MSANTD1: variants seen among roughly 807,000 people sequenced by gnomAD.
The protein encoded by MSANTD1 is myb/SANT-like DNA-binding domain-containing protein 1.
A neutral mutation model predicts 24.2 loss-of-function variants in MSANTD1; 7 were observed. The observed-to-expected ratio is 0.29, with a 90% CI of 0.16 to 0.54. MSANTD1 has a LOEUF of 0.54. MSANTD1 is among the 20% of genes least tolerant of loss of function. MSANTD1 has a pLI of 0.94. For synonymous variants in MSANTD1, 177 were observed against 181.1 expected (o/e 0.98, Z 0.18); for missense variants, 384 against 408.2 (o/e 0.94, Z 0.51).
chr4:3,253,004 G>T (rs535852952), intron 1 of MSANTD1, among the ~76,000 whole-genome samples: 1 of 152,196 alleles, frequency 6.6e-6, no homozygotes, highest in East Asian at 1.9e-4. Flanking sequence ...ATCTGAGCCC[G>T]TGTAGGTCCT....
chr4:3,249,007 T>G, upstream of MSANTD1: 5 of 413,704 alleles, frequency 1.2e-5, no homozygotes, highest in Non-Finnish European at 1.2e-5. Flanking sequence ...CTCGCCGCAA[T>G]ATTGATGGCC....
intron 2 of MSANTD1, among the ~76,000 whole-genome samples, chr4:3,255,110 A>G (rs1012763928): frequency 5.9e-5 from 9 of 152,218 alleles, no homozygotes; most frequent in Admixed American, 3.3e-4. Context: ...GCCCCTCTGC[A>G]GCCCAGAACA....
Position 3,249,558 on chromosome 4 carries a change from G to A in MSANTD1, c.320+16G>A, listed in dbSNP as rs770872104. On this transcript the variant is annotated intron_variant, in intron 1 of 2. Transcript: ENST00000438480. ...TCCAGTACAGGTGGGCGAGCGGGCA[G>A]TGTGGGCCCCACCAGGACGGGCGGG... 1.3e-6 allele frequency: 2 copies of A among 1,598,622 alleles called. No individual in the cohort carries two copies. Among genetic ancestry groups the A allele is most frequent in the Non-Finnish European group, 1.7e-6 (2 of 1,170,652 alleles).
At chr4:3,251,693 C>G (rs73792391) in intron 1 of MSANTD1, among the ~76,000 whole-genome samples, 1 of 137,602 alleles carries the variant, frequency 7.3e-6, no homozygotes, top group Non-Finnish European at 1.6e-5. Flanking sequence ...TTTTCTTTTT[C>G]TTTTTTTTTT....
intron 2 of MSANTD1, among the ~76,000 whole-genome samples, chr4:3,253,815 T>TG (rs951072862): frequency 2.6e-5 from 4 of 152,210 alleles, no homozygotes; most frequent in Admixed American, 6.5e-5. Context: ...AGACGCAGCA[T>TG]GGGGCCCGGC....
chr4:3,246,565 G>GCCTGA, upstream of MSANTD1: 1 of 633,620 alleles, frequency 1.6e-6, no homozygotes, highest in Non-Finnish European at 2.9e-6. Flanking sequence ...TCCTGCCGAG[G>GCCTGA]CCTGACCTGC....
upstream of MSANTD1, chr4:3,244,795 T>A (rs2110314821): frequency 6.6e-6 from 1 of 152,434 alleles, no homozygotes; most frequent in African/African-American, 2.4e-5. Context: ...ACCCATTCTT[T>A]CCCTGCTCTG....
At chr4:3,250,462 G>A (rs1722190117) in intron 1 of MSANTD1, among the ~76,000 whole-genome samples, 1 of 152,214 alleles carries the variant, frequency 6.6e-6, no homozygotes, top group Non-Finnish European at 1.5e-5. Flanking sequence ...GTGGGGTGAA[G>A]GTCTCAGGCA....
At position 3,256,047 on chromosome 4, in the gene MSANTD1, G is replaced by A. The variant is rs973041298; in HGVS notation, c.*82G>A. ...CCAGGGCAGGCCACTCAGGCCAGGC[G>A]GGCAAGGGGGCCGCCCCGCGAGCGG... On this transcript the variant is annotated 3_prime_UTR_variant, in exon 3 of 3. Coordinates refer to ENST00000438480, the MANE Select transcript of MSANTD1 (RefSeq NM_001042690.2). 53 of 1,393,978 alleles carry A rather than the reference G, an allele frequency of 3.8e-5. No individual in the cohort carries two copies. Among genetic ancestry groups the A allele is most frequent in the Non-Finnish European group, 4.6e-5 (50 of 1,077,638 alleles). The allele number at this position is 1,393,978 out of a possible 1,614,324, so 86.4% of individuals were successfully genotyped here.
At chr4:3,246,970 A>C (rs1722048047), upstream of MSANTD1, among the ~76,000 whole-genome samples, 1 of 152,000 alleles carries the variant, frequency 6.6e-6, no homozygotes, top group Non-Finnish European at 1.5e-5. Context: ...CGCCCACTGG[A>C]ACTCGGGCAG....
rs777949846 is a variant in MSANTD1 at position 3,253,165 on chromosome 4, A to G, written c.321-42A>G. 4.0e-6 allele frequency: 6 copies of G among 1,499,422 alleles called. No homozygotes were observed. In the South Asian group the frequency reaches 8.3e-5, roughly 21 times the overall value. 92.9% of individuals were successfully genotyped at this position (1,499,422 alleles called of 1,614,324 possible). On this transcript the variant is annotated intron_variant, in intron 1 of 2. Transcript: ENST00000438480. ...GGCTGGGCAGGACAGGGGCTGGGCC[A>G]GCTCTGTTTCTCACCCTTGGCTCTT...
rs943773566 is a variant in MSANTD1, at chr4:3,253,197, C to T, written c.321-10C>T. On this transcript the variant is annotated splice_polypyrimidine_tract_variant and intron_variant, in intron 1 of 2. Coordinates refer to ENST00000438480, the MANE Select transcript of MSANTD1 (RefSeq NM_001042690.2). ...TTTCTCACCCTTGGCTCTTGTGTCTCTCGTTTCAGGAAATTAAAATGCATG... is the reference window on the plus strand; with the variant it reads ...TTTCTCACCCTTGGCTCTTGTGTCTTTCGTTTCAGGAAATTAAAATGCATG... 4 of 1,530,524 alleles carry T rather than the reference C, an allele frequency of 2.6e-6. No homozygotes were observed. The highest frequency in any genetic ancestry group is 3.5e-6 in the Non-Finnish European group (4 of 1,131,866). The allele number at this position is 1,530,524 out of a possible 1,614,324, so 94.8% of individuals were successfully genotyped here. A position where few individuals can be genotyped will look rare whatever the true frequency, so the allele number is the denominator to read the frequency against.
In MSANTD1 at chr4:3,254,295, C is replaced by T. The variant is rs73074857; in HGVS notation, c.596+813C>T. 6.6e-3 allele frequency among the ~76,000 whole-genome samples: 1,001 copies of T among 152,284 alleles called. 12 individuals are homozygous for T. Among genetic ancestry groups the T allele is most frequent in the African/African-American group, 0.023 (958 of 41,550 alleles). On this transcript the variant is annotated intron_variant, in intron 2 of 2. Coordinates refer to ENST00000438480, the MANE Select transcript of MSANTD1 (RefSeq NM_001042690.2). ...GTATCTTTAGTAGAGAAGGCGTCTC[C>T]GAGGAGGGTCCCTCTCATGCCGGGG...
rs565441019 is a variant in MSANTD1 at position 3,249,550 on chromosome 4, A to G, written c.320+8A>G. ...CATGACCTTCCAGTACAGGTGGGCG[A>G]GCGGGCAGTGTGGGCCCCACCAGGA... On this transcript the variant is annotated splice_region_variant and intron_variant, in intron 1 of 2. Transcript: ENST00000438480. The G allele has an allele frequency of 1.2e-5, 19 of 1,603,114 alleles. No homozygotes were observed. The South Asian group carries it at 1.4e-4, about 12-fold the overall frequency.
In MSANTD1 at chr4:3,255,634, G is replaced by A. The variant is rs550411281; in HGVS notation, c.597-91G>A. 1.0e-4 allele frequency: 141 copies of A among 1,416,128 alleles called. No individual in the cohort carries two copies. In the South Asian group the frequency reaches 1.9e-3, roughly 19 times the overall value. 87.7% of individuals were successfully genotyped at this position (1,416,128 alleles called of 1,614,324 possible). A position where few individuals can be genotyped will look rare whatever the true frequency, so the allele number is the denominator to read the frequency against. ...CCCTGGGGCCTCAGTTTCCCCATTT[G>A]CCCAGTAGGATTGTCGGGAGGGTCC... On this transcript the variant is annotated intron_variant, in intron 2 of 2. Transcript: ENST00000438480.
chr4:3,246,511 C>T, upstream of MSANTD1: 2 of 543,818 alleles, frequency 3.7e-6, no homozygotes, highest in Non-Finnish European at 6.5e-6. Context: ...TAGCCTGAGC[C>T]CAGCAGGGCC....
Position 3,249,244 on chromosome 4 carries a change from G to A in MSANTD1, c.22G>A (p.Gly8Arg). The change falls in exon 1 of 3, where the codon GGG becomes AGG. Residue 8 changes from glycine to arginine, a missense_variant. Transcript: ENST00000438480. Reference sequence around the variant, plus strand: ...GCCCATGGTGCGTGGGGCCGGGCCGGGGCCCTCGCTGAGCGCGCTCTCTCA... The same window carrying A: ...GCCCATGGTGCGTGGGGCCGGGCCGAGGCCCTCGCTGAGCGCGCTCTCTCA... The part of the protein sequence containing the change: MVRGAGP[G>R]PSLSALSHPT... The A allele has an allele frequency of 4.2e-6, 6 of 1,445,606 alleles. No homozygotes were observed. The highest frequency in any genetic ancestry group is 5.5e-6 in the Non-Finnish European group (6 of 1,099,098). The allele number at this position is 1,445,606 out of a possible 1,614,324, so 89.5% of individuals were successfully genotyped here. A position where few individuals can be genotyped will look rare whatever the true frequency, so the allele number is the denominator to read the frequency against.
chr4:3,245,887 G>A (rs936010368), upstream of MSANTD1, among the ~76,000 whole-genome samples: 8 of 152,206 alleles, frequency 5.3e-5, no homozygotes, highest in African/African-American at 1.9e-4. Context: ...GGTGGGCCCT[G>A]TGGACCTGTG....
chr4:3,244,439 C>T (rs1721957226), upstream of MSANTD1: 1 of 152,364 alleles, frequency 6.6e-6, no homozygotes, highest in East Asian at 1.9e-4. Context: ...ACCTGCGTCC[C>T]TGGCCCAGCT....
Sources: allele counts gnomAD v4.1 joint callset (sites outside exome capture counted in the v4.1 genomes callset), GRCh38; gene constraint gnomAD v4.1.1; transcripts MANE v1.5; gene names NCBI Gene and HGNC (gene_info 2026-07-23, HGNC 2026-07-21).